Variants in EPHA5 observed in about 807,000 individuals in gnomAD.
The protein encoded by EPHA5 is ephrin type-A receptor 5.
In EPHA5, 60 loss-of-function variants were observed where a neutral mutation model predicts 105.0. That is an observed-to-expected ratio of 0.57 (90% CI 0.46 to 0.71). The LOEUF (loss-of-function observed/expected upper bound fraction) is 0.71, where lower values mean the gene tolerates loss of function less well. Ranked by LOEUF, EPHA5 falls within the 30% of genes least tolerant of loss-of-function variation. EPHA5 has a pLI of 0.00. For synonymous variants in EPHA5, 513 were observed against 449.1 expected (o/e 1.14, Z -1.80); for missense variants, 1,218 against 1,274.7 (o/e 0.96, Z 0.68).
chr4:65,670,390 C>G lies in EPHA5; in HGVS notation c.-648G>C, dbSNP rs1750355716. On this transcript the variant is annotated 5_prime_UTR_variant, in exon 1 of 17. Coordinates refer to ENST00000613740, the MANE Select transcript of EPHA5 (RefSeq NM_001281766.3). Reference sequence around the variant, plus strand: ...GAGCGCGGAGCTGCGCTGCGGCGGCCCAGGAGCTGCTGCGGTTCCCGCTGC... The same window carrying G: ...GAGCGCGGAGCTGCGCTGCGGCGGCGCAGGAGCTGCTGCGGTTCCCGCTGC... The G allele has an allele frequency of 4.3e-6, 1 of 233,702 alleles. No individual in the cohort carries two copies. The allele number at this position is 233,702 out of a possible 1,614,324, so 14.5% of individuals were successfully genotyped here.
chr4:65,539,908 A>T (rs1736654778), intron 3 of EPHA5, among the ~76,000 whole-genome samples: 1 of 151,534 alleles, frequency 6.6e-6, no homozygotes. Flanking sequence ...TATTATTATT[A>T]TATTATGCAC....
rs541146420 is a variant in EPHA5 at position 65,573,787 on chromosome 4, G to A, written c.910+27854C>T. On this transcript the variant is annotated intron_variant, in intron 3 of 16. Transcript: ENST00000613740. Reference sequence around the variant, plus strand: ...GGCGGTACCCGGGTGGTTAAACTTCGCAAAATGCCTAGATATTATCCTACT... The same window carrying A: ...GGCGGTACCCGGGTGGTTAAACTTCACAAAATGCCTAGATATTATCCTACT... 1.4e-5 allele frequency: 22 copies of A among 1,613,366 alleles called. No individual in the cohort carries two copies. The East Asian group carries it at 3.8e-4, about 28-fold the overall frequency.
rs1288411608 is a variant in EPHA5 at position 65,324,951 on chromosome 4, T to C, written c.2946-732A>G. On this transcript the variant is annotated intron_variant, in intron 16 of 16. Coordinates refer to ENST00000613740, the MANE Select transcript of EPHA5 (RefSeq NM_001281766.3). ...TTTAGATTTCTAAACTAACAACATATTATGGAGCTCAAGACAAGTGGCCAT... is the reference window on the plus strand; with the variant it reads ...TTTAGATTTCTAAACTAACAACATACTATGGAGCTCAAGACAAGTGGCCAT... Among the ~76,000 whole-genome samples the C allele has an allele frequency of 4.6e-5, 7 of 151,444 alleles. No individual in the cohort carries two copies. In the South Asian group the frequency reaches 1.2e-3, roughly 27 times the overall value.
At chr4:65,513,629 G>T (rs1164178481) in intron 3 of EPHA5, among the ~76,000 whole-genome samples, 1 of 152,060 alleles carries the variant, frequency 6.6e-6, no homozygotes, top group East Asian at 1.9e-4. Context: ...CTTGTGATCC[G>T]CCTGCCTCTG....
rs1159091009 is a variant in EPHA5 at position 65,624,531 on chromosome 4, T to C, written c.246+18832A>G. ...TCCTATTGTTATAACTCTCAAAATA[T>C]TTTAATAAATTTGAGGCTTTTTAGG... On this transcript the variant is annotated intron_variant, in intron 2 of 16. Transcript: ENST00000613740. Among the ~76,000 whole-genome samples the C allele has an allele frequency of 2.0e-5, 3 of 152,180 alleles. No individual in the cohort carries two copies. In the East Asian group the frequency reaches 5.8e-4, roughly 29 times the overall value.
Position 65,490,614 on chromosome 4 carries a change from C to G in EPHA5, c.1165G>C (p.Val389Leu), listed in dbSNP as rs553493695. ...TTCTTGCATGCAATATAATATGACA[C>G]GTCTTTCCTTCCACCAGTGTCAGCA... ...PPADTGGRKD[V>L]SYYIACKKCN... The change falls in exon 5 of 17, where the codon GTG (valine) becomes CTG (leucine). Residue 389 changes from valine (V) to leucine (L), a missense_variant. By Grantham distance (32) the Val-to-Leu change is conservative. Coordinates refer to ENST00000613740, the MANE Select transcript of EPHA5 (RefSeq NM_001281766.3). 6.2e-7 allele frequency: 1 copy of G among 1,614,112 alleles called. No individual in the cohort carries two copies. The highest frequency in any genetic ancestry group is 8.5e-7 in the Non-Finnish European group (1 of 1,180,018).
At chr4:65,470,240 T>C (rs1370073954) in intron 5 of EPHA5, among the ~76,000 whole-genome samples, 1 of 151,598 alleles carries the variant, frequency 6.6e-6, no homozygotes, top group Non-Finnish European at 1.5e-5. Flanking sequence ...TCACCCAGGC[T>C]GGAGTGCAGT....
chr4:65,642,181 A>G (rs13109822), intron 2 of EPHA5, among the ~76,000 whole-genome samples: 8,346 of 152,202 alleles, frequency 0.055, 313 homozygotes, highest in South Asian at 0.094. Flanking sequence ...AAGAAAAAAA[A>G]ATTAAAATAT....
intron 2 of EPHA5, among the ~76,000 whole-genome samples, chr4:65,623,480 T>C (rs1745879633): frequency 6.6e-6 from 1 of 152,210 alleles, no homozygotes; most frequent in Non-Finnish European, 1.5e-5. Flanking sequence ...TAATACACTA[T>C]CATAAGAAGT....
At chr4:65,516,574 G>A (rs575168100) in intron 3 of EPHA5, among the ~76,000 whole-genome samples, 77 of 152,000 alleles carry the variant, frequency 5.1e-4, no homozygotes, top group African/African-American at 1.6e-3. Context: ...GGGCATGCGC[G>A]CGTGCATATG....
At chr4:65,618,184 C>T in intron 2 of EPHA5, among the ~76,000 whole-genome samples, 1 of 152,094 alleles carries the variant, frequency 6.6e-6, no homozygotes, top group East Asian at 1.9e-4. Context: ...CCAATGACCT[C>T]AGTTAACACA....
At chr4:65,597,810 A>C (rs1743333381) in intron 3 of EPHA5, among the ~76,000 whole-genome samples, 1 of 152,188 alleles carries the variant, frequency 6.6e-6, no homozygotes, top group South Asian at 2.1e-4. Flanking sequence ...AAGATGACAG[A>C]TCACAAATTG....
intron 3 of EPHA5, among the ~76,000 whole-genome samples, chr4:65,576,836 G>C (rs1241073224): frequency 6.6e-6 from 1 of 152,210 alleles, no homozygotes; most frequent in Non-Finnish European, 1.5e-5. Context: ...AGTTAGGACA[G>C]GTGGTCATTT....
intron 2 of EPHA5, among the ~76,000 whole-genome samples, chr4:65,631,893 C>T (rs899106119): frequency 2.7e-4 from 41 of 151,704 alleles, no homozygotes; most frequent in Non-Finnish European, 2.9e-5. Flanking sequence ...AAATATATAA[C>T]CAGGGTAAAC....
intron 3 of EPHA5, among the ~76,000 whole-genome samples, chr4:65,550,533 T>A (rs1218268470): frequency 6.6e-6 from 1 of 152,120 alleles, no homozygotes; most frequent in East Asian, 1.9e-4. Flanking sequence ...CTTTTAAGCA[T>A]TTATTAAAAG....
intron 5 of EPHA5, among the ~76,000 whole-genome samples, chr4:65,438,143 T>C (rs1019104988): frequency 6.6e-6 from 1 of 151,894 alleles, no homozygotes; most frequent in South Asian, 2.1e-4. Context: ...AAGAACAAGG[T>C]CCATACTTTC....
intron 5 of EPHA5, among the ~76,000 whole-genome samples, chr4:65,487,652 G>A (rs542898125): frequency 5.5e-4 from 84 of 152,230 alleles, no homozygotes; most frequent in Non-Finnish European, 1.1e-3. Context: ...TGACTCTGCA[G>A]GAGGACAGAT....
At chr4:65,465,441 A>AAAGAAAGG (rs149978618) in intron 5 of EPHA5, among the ~76,000 whole-genome samples, 7,764 of 47,128 alleles carry the variant, frequency 0.16, 1,929 homozygotes, top group South Asian at 0.3. Context: ...CCCTCTAAAG[A>AAAGAAAGG]AAGAAAGAAA....
At chr4:65,346,708 G>C (rs1395115768) in intron 14 of EPHA5, among the ~76,000 whole-genome samples, 1 of 152,020 alleles carries the variant, frequency 6.6e-6, no homozygotes, top group African/African-American at 2.4e-5. Flanking sequence ...CAGAGTGGGA[G>C]AAAATTTTTG....
Sources: gnomAD v4.1 joint callset for allele counts (sites outside exome capture counted in the v4.1 genomes callset) on GRCh38, gnomAD v4.1.1 for gene constraint, MANE v1.5 for transcripts, NCBI Gene and HGNC (gene_info 2026-07-23, HGNC 2026-07-21) for gene names.